SGCZ: variants seen among roughly 807,000 people sequenced by gnomAD.
SGCZ encodes zeta-sarcoglycan.
Under a neutral mutation model 41.3 loss-of-function variants are expected in SGCZ, and 40 were observed. The ratio of observed to expected loss-of-function variants is 0.97; its 90% CI spans 0.75 to 1.26. SGCZ has a LOEUF of 1.26. Ranked by LOEUF, SGCZ falls within the 50% of genes most tolerant of loss-of-function variation. The pLI, the probability that SGCZ is intolerant of heterozygous loss-of-function variation, is 0.00. For synonymous variants in SGCZ, 206 were observed against 137.5 expected, an observed-to-expected ratio of 1.50 and a Z score of -3.49; for missense variants, 552 against 369.8, an observed-to-expected ratio of 1.49 and a Z score of -4.04.
chr8:15,186,224 T>C (rs1178015324), intron 1 of SGCZ, among the ~76,000 whole-genome samples: 1 of 128,220 alleles, frequency 7.8e-6, no homozygotes, highest in Non-Finnish European at 1.5e-5. Flanking sequence ...ATCGTGCCAC[T>C]GCACTCCAGC....
chr8:14,174,550 C>T (rs932687258), intron 4 of SGCZ, among the ~76,000 whole-genome samples: 1 of 152,098 alleles, frequency 6.6e-6, no homozygotes, highest in Non-Finnish European at 1.5e-5. Context: ...GCCCAGCCTA[C>T]TCCCAAGAAA....
chr8:14,181,300 G>T (rs1035305053), intron 4 of SGCZ, among the ~76,000 whole-genome samples: 1 of 152,298 alleles, frequency 6.6e-6, no homozygotes, highest in African/African-American at 2.4e-5. Context: ...AAGTTCAATT[G>T]TTGGGTATAT....
intron 1 of SGCZ, among the ~76,000 whole-genome samples, chr8:14,599,803 A>T (rs1805529451): frequency 6.6e-6 from 1 of 152,192 alleles, no homozygotes; most frequent in Admixed American, 6.5e-5. Flanking sequence ...TCTTCAGAGA[A>T]TCTCCTAGCA....
chr8:14,196,251 A>G (rs539403477), intron 4 of SGCZ, among the ~76,000 whole-genome samples: 1 of 143,872 alleles, frequency 7.0e-6, no homozygotes, highest in East Asian at 2.1e-4. Context: ...AAAATACTAA[A>G]TTAATTAGAG....
chr8:15,107,094 C>T (rs1365605662), intron 1 of SGCZ, among the ~76,000 whole-genome samples: 4 of 152,112 alleles, frequency 2.6e-5, no homozygotes, highest in Non-Finnish European at 5.9e-5. Flanking sequence ...TGTTAATGCA[C>T]CATTCTTTTC....
At chr8:14,405,130 T>C (rs990415764) in intron 2 of SGCZ, among the ~76,000 whole-genome samples, 3 of 152,198 alleles carry the variant, frequency 2.0e-5, no homozygotes, top group Non-Finnish European at 4.4e-5. Flanking sequence ...GGGCTGACTG[T>C]GAGTGTTCAC....
At chr8:14,613,183 C>G (rs1449946968) in intron 1 of SGCZ, among the ~76,000 whole-genome samples, 1 of 151,912 alleles carries the variant, frequency 6.6e-6, no homozygotes, top group African/African-American at 2.4e-5. Context: ...CTTGGAGGAC[C>G]TAAATGAGAG....
chr8:14,238,561 C>T (rs746808029), intron 3 of SGCZ, among the ~76,000 whole-genome samples: 3 of 152,146 alleles, frequency 2.0e-5, no homozygotes, highest in African/African-American at 4.8e-5. Context: ...GATTGAAGGA[C>T]AATAACACTG....
chr8:14,510,063 C>T (rs188913696), intron 2 of SGCZ, among the ~76,000 whole-genome samples: 1 of 152,146 alleles, frequency 6.6e-6, no homozygotes, highest in Non-Finnish European at 1.5e-5. Context: ...ACCCCTGGCC[C>T]CTCCCAGTAA....
At chr8:14,968,784 T>A (rs184319620) in intron 1 of SGCZ, among the ~76,000 whole-genome samples, 1 of 152,266 alleles carries the variant, frequency 6.6e-6, no homozygotes, top group East Asian at 1.9e-4. Flanking sequence ...GCAGAGAATA[T>A]AAATTTTGTG....
intron 2 of SGCZ, among the ~76,000 whole-genome samples, chr8:14,353,758 GTTTAT>G (rs760511987): frequency 6.6e-6 from 1 of 151,846 alleles, no homozygotes; most frequent in Non-Finnish European, 1.5e-5. Flanking sequence ...CCAGAAACCT[GTTTAT>G]TTTACCAACC....
At chr8:14,775,397 C>G (rs752842540) in intron 1 of SGCZ, among the ~76,000 whole-genome samples, 5 of 152,080 alleles carry the variant, frequency 3.3e-5, no homozygotes, top group African/African-American at 1.2e-4. Context: ...GAATCATTCA[C>G]TTACCTAATT....
intron 4 of SGCZ, chr8:14,164,942 G>T: frequency 2.3e-6 from 1 of 433,046 alleles, no homozygotes; most frequent in Non-Finnish European, 4.2e-6. Context: ...CATAGCATGT[G>T]AGTTTAGCCA....
intron 1 of SGCZ, among the ~76,000 whole-genome samples, chr8:14,935,880 G>C (rs1034437185): frequency 1.3e-5 from 2 of 151,782 alleles, no homozygotes; most frequent in African/African-American, 4.8e-5. Flanking sequence ...AAGAAAAAAT[G>C]ATGAAAACCA....
At chr8:14,164,827 A>C (rs1434826886) in intron 4 of SGCZ, 125 bp from the exon 5 acceptor site, 1 of 1,194,700 alleles carries the variant, frequency 8.4e-7, no homozygotes, top group Non-Finnish European at 1.1e-6. Flanking sequence ...TATGTTTTGC[A>C]TCTGAGTTAG....
At chr8:15,023,711 T>G (rs936361056) in intron 1 of SGCZ, among the ~76,000 whole-genome samples, 1 of 152,196 alleles carries the variant, frequency 6.6e-6, no homozygotes, top group African/African-American at 2.4e-5. Flanking sequence ...CATGGAGAAT[T>G]TGAGAATAAT....
intron 1 of SGCZ, among the ~76,000 whole-genome samples, chr8:14,883,932 G>T (rs1313864098): frequency 6.6e-6 from 1 of 151,892 alleles, no homozygotes; most frequent in Admixed American, 6.6e-5. Flanking sequence ...GAAGGCAGCT[G>T]GATAGGTATG....
At chr8:14,419,251 C>G (rs1369965763) in intron 2 of SGCZ, among the ~76,000 whole-genome samples, 1 of 151,878 alleles carries the variant, frequency 6.6e-6, no homozygotes, top group Non-Finnish European at 1.5e-5. Flanking sequence ...ACATCCATAT[C>G]TGGGTTATTA....
chr8:14,541,954 C>T (rs1463266944), intron 2 of SGCZ, among the ~76,000 whole-genome samples: 1 of 152,046 alleles, frequency 6.6e-6, no homozygotes, highest in Non-Finnish European at 1.5e-5. Context: ...TGTTCATATC[C>T]TTTGCTCACT....
Sources: gnomAD v4.1 joint callset for allele counts (sites outside exome capture counted in the v4.1 genomes callset) on GRCh38, gnomAD v4.1.1 for gene constraint, MANE v1.5 for transcripts, NCBI Gene and HGNC (gene_info 2026-07-23, HGNC 2026-07-21) for gene names.